FOXP1: variants seen among roughly 807,000 people sequenced by gnomAD.
The protein encoded by FOXP1 is forkhead box protein P1.
FOXP1 carries 15 observed loss-of-function variants against 98.2 expected under a neutral mutation model. The ratio of observed to expected loss-of-function variants is 0.15; its 90% CI spans 0.10 to 0.24. FOXP1 has a LOEUF of 0.24. Among genes scored for constraint, FOXP1 ranks in the 10% least tolerant of loss-of-function variants. The pLI, the probability that FOXP1 is intolerant of heterozygous loss-of-function variation, is 1.00. For synonymous variants in FOXP1, 371 were observed against 314.5 expected (o/e 1.18, Z -1.90); for missense variants, 633 against 848.5 (o/e 0.75, Z 3.15).
intron 7 of FOXP1, among the ~76,000 whole-genome samples, chr3:71,076,806 C>T (rs2053849989): frequency 6.6e-6 from 1 of 152,214 alleles, no homozygotes; most frequent in Non-Finnish European, 1.5e-5. Flanking sequence ...GCCTTGACCT[C>T]AGCTGGGTCA....
intron 4 of FOXP1, among the ~76,000 whole-genome samples, chr3:71,353,661 A>G (rs1577099190): frequency 6.6e-6 from 1 of 152,332 alleles, no homozygotes; most frequent in East Asian, 1.9e-4. Flanking sequence ...TTAATTTCCT[A>G]GATAACCCTA....
intron 11 of FOXP1, among the ~76,000 whole-genome samples, chr3:71,025,423 C>A (rs1351463903): frequency 6.6e-6 from 1 of 152,066 alleles, no homozygotes; most frequent in Non-Finnish European, 1.5e-5. Context: ...TGGGTGTTCC[C>A]TGATCTGTAT....
rs1031650643 is a variant in FOXP1, at chr3:71,549,589, G to C, written c.-298+31960C>G. Among the ~76,000 whole-genome samples, 4 of 152,256 alleles carry C rather than the reference G, an allele frequency of 2.6e-5. No individual in the cohort carries two copies. In the South Asian group the frequency reaches 8.3e-4, roughly 32 times the overall value. On this transcript the variant is annotated intron_variant, in intron 2 of 20. Coordinates refer to ENST00000649528, the MANE Select transcript of FOXP1 (RefSeq NM_001349338.3). ...GGGATTTCACCATGTTGCACAGGCT[G>C]GTCTTGAACTTCTGGCCTCAGGCGA...
At chr3:71,523,324 T>C (rs1332329265) in intron 2 of FOXP1, among the ~76,000 whole-genome samples, 1 of 152,170 alleles carries the variant, frequency 6.6e-6, no homozygotes, top group African/African-American at 2.4e-5. Context: ...ATTTCTGGTG[T>C]TAAAGCCAGA....
At chr3:71,127,387 T>G (rs1452017990) in intron 6 of FOXP1, among the ~76,000 whole-genome samples, 1 of 152,184 alleles carries the variant, frequency 6.6e-6, no homozygotes, top group Non-Finnish European at 1.5e-5. Flanking sequence ...ATTGCCAACA[T>G]CATATTGAGT....
chr3:71,494,611 T>A (rs1002129295), intron 2 of FOXP1, among the ~76,000 whole-genome samples: 1 of 152,190 alleles, frequency 6.6e-6, no homozygotes, highest in African/African-American at 2.4e-5. Flanking sequence ...CCTGCAGAAA[T>A]CTGTCCAGAT....
intron 3 of FOXP1, among the ~76,000 whole-genome samples, chr3:71,475,335 G>A (rs2089734747): frequency 1.3e-5 from 2 of 152,112 alleles, no homozygotes; most frequent in Admixed American, 1.3e-4. Context: ...TTTTTAAGAA[G>A]TAATGATTAG....
At chr3:71,569,613 AAT>A (rs2047175421) in intron 2 of FOXP1, among the ~76,000 whole-genome samples, 1 of 152,160 alleles carries the variant, frequency 6.6e-6, no homozygotes, top group African/African-American at 2.4e-5. Context: ...TATATTTTTA[AAT>A]ATGAGTAGTA....
intron 2 of FOXP1, among the ~76,000 whole-genome samples, chr3:71,506,269 G>A (rs752802532): frequency 1.9e-4 from 29 of 152,100 alleles, no homozygotes; most frequent in Admixed American, 1.9e-3. Context: ...AAGTTTTCTG[G>A]GCCTCTGTTT....
chr3:71,027,093 T>A (rs1234531287), intron 11 of FOXP1, among the ~76,000 whole-genome samples: 1 of 152,218 alleles, frequency 6.6e-6, no homozygotes, highest in Admixed American at 6.5e-5. Context: ...TGTGAGCAAC[T>A]GTGTCAATAC....
intron 3 of FOXP1, among the ~76,000 whole-genome samples, chr3:71,477,486 A>C (rs768073847): frequency 6.6e-6 from 1 of 152,244 alleles, no homozygotes; most frequent in Non-Finnish European, 1.5e-5. Flanking sequence ...ATAGCTCTCT[A>C]TTATTTATAG....
chr3:71,583,266 A>G (rs1164074488), intron 1 of FOXP1, among the ~76,000 whole-genome samples: 5 of 151,978 alleles, frequency 3.3e-5, no homozygotes, highest in Admixed American at 2.6e-4. Flanking sequence ...TGACTTATGC[A>G]AATAAACCCA....
At chr3:71,109,859 A>C (rs2057764927) in intron 7 of FOXP1, among the ~76,000 whole-genome samples, 1 of 152,058 alleles carries the variant, frequency 6.6e-6, no homozygotes, top group Non-Finnish European at 1.5e-5. Flanking sequence ...ACACACACAC[A>C]CCAGTCCACC....
At chr3:71,216,794 C>G (rs943307919) in intron 5 of FOXP1, among the ~76,000 whole-genome samples, 4 of 152,080 alleles carry the variant, frequency 2.6e-5, no homozygotes, top group Non-Finnish European at 5.9e-5. Flanking sequence ...ACAATCTGTC[C>G]TTCTACAGCA....
intron 7 of FOXP1, among the ~76,000 whole-genome samples, chr3:71,055,345 C>T (rs2050477035): frequency 6.6e-6 from 1 of 152,148 alleles, no homozygotes; most frequent in Admixed American, 6.5e-5. Context: ...CTAGTTAGAA[C>T]ATTCGAAAAA....
chr3:71,141,009 C>G lies in FOXP1; in HGVS notation c.181-28372G>C, dbSNP rs201597398. ...CCAGGCTGGGCGTGGTGGTTCATGC[C>G]TGTAATCCCAGCACTCTGGGAGGCC... On this transcript the variant is annotated intron_variant, in intron 6 of 20. Transcript: ENST00000649528. Among the ~76,000 whole-genome samples the G allele has an allele frequency of 3.3e-5, 5 of 151,914 alleles. No homozygotes were observed. In the East Asian group the frequency reaches 9.7e-4, roughly 29 times the overall value.
Position 71,015,540 on chromosome 3 carries a change from C to A in FOXP1, c.974+9G>T. On this transcript the variant is annotated intron_variant, in intron 12 of 20. Transcript: ENST00000649528. ...GTAAAAGAAGAAAACAAAATAAAAT[C>A]ATTCTTACTTTAGAAATGATTGGAA... 6.3e-7 allele frequency: 1 copy of A among 1,582,694 alleles called. No homozygotes were observed. The highest frequency in any genetic ancestry group is 1.1e-5 in the South Asian group (1 of 90,382).
chr3:71,179,885 T>A (rs569141569), intron 6 of FOXP1, among the ~76,000 whole-genome samples: 3 of 152,224 alleles, frequency 2.0e-5, no homozygotes, highest in Non-Finnish European at 4.4e-5. Context: ...CGTTGAAAAT[T>A]CAAAATTATT....
chr3:71,197,051 G>A (rs190790773), intron 6 of FOXP1, among the ~76,000 whole-genome samples: 2 of 152,014 alleles, frequency 1.3e-5, no homozygotes, highest in Admixed American at 6.6e-5. Flanking sequence ...AAAACTCTTC[G>A]CAAGGAGAAA....
Sources: allele counts gnomAD v4.1 joint callset (sites outside exome capture counted in the v4.1 genomes callset), GRCh38; gene constraint gnomAD v4.1.1; transcripts MANE v1.5; gene names NCBI Gene and HGNC (gene_info 2026-07-23, HGNC 2026-07-21).